MEGF6: variants seen among roughly 807,000 people sequenced by gnomAD.
The protein encoded by MEGF6 is multiple EGF like domains 6.
In MEGF6, 184 loss-of-function variants were observed where a neutral mutation model predicts 207.1. That is an observed-to-expected ratio of 0.89 (90% CI 0.79 to 1.00). The LOEUF is 1.00. Ranked by LOEUF, MEGF6 falls within the 50% of genes least tolerant of loss-of-function variation. The pLI is 0.00. For missense variants in MEGF6, 2,282 were observed against 2,202.9 expected (o/e 1.04, Z -0.72); for synonymous variants, 1,038 against 910.0 (o/e 1.14, Z -2.53).
chr1:3,582,116 C>A (rs1234521572), intron 3 of MEGF6, among the ~76,000 whole-genome samples: 1 of 152,234 alleles, frequency 6.6e-6, no homozygotes, highest in African/African-American at 2.4e-5. Flanking sequence ...ATGCACCCAG[C>A]AGGACACCAG....
intron 17 of MEGF6, 21 bp downstream of exon 17, chr1:3,505,187 C>T (rs1352824530): frequency 6.2e-7 from 1 of 1,608,390 alleles, no homozygotes; most frequent in Non-Finnish European, 8.5e-7. Flanking sequence ...CTGCCGGGAG[C>T]CCCAGGGGCC....
Position 3,501,901 on chromosome 1 carries a change from C to A in MEGF6, c.2209G>T (p.Gly737Cys), listed in dbSNP as rs1426560260. The A allele has an allele frequency of 1.2e-6, 2 of 1,610,046 alleles. No homozygotes were observed. The change falls in exon 18 of 37, where the codon GGC becomes TGC. Residue 737 changes from glycine (G) to cysteine (C), a missense_variant. Gly to Cys is a radical substitution (Grantham distance 159). Coordinates refer to ENST00000356575, the MANE Select transcript of MEGF6 (RefSeq NM_001409.4). ...CGQECPVGTF[G>C]VNCSSSCSCG... is the part of the protein sequence containing the mutation. ...GAGCAGGAGCTCGAGCAGTTCACGC[C>A]AAACGTCCCCACCGGGCACTCTGCA... is the stretch of plus-strand genomic sequence containing the variant.
chr1:3,549,527 C>T lies in MEGF6; in HGVS notation c.482-25281G>A, dbSNP rs75311167. Among the ~76,000 whole-genome samples, 1,416 of 152,316 alleles carry T rather than the reference C, an allele frequency of 9.3e-3. 9 individuals are homozygous for T. Among genetic ancestry groups the T allele is most frequent in the South Asian group, 0.033 (160 of 4,824 alleles). ...GGGGCTGCCTGGGGGCTTCTGGGGG[C>T]ACATGGTCATGCTCGGGTCTGGGCT... On this transcript the variant is annotated intron_variant, in intron 4 of 36. Transcript: ENST00000356575.
chr1:3,587,877 C>T (rs866115777), intron 3 of MEGF6, among the ~76,000 whole-genome samples: 321 of 11,542 alleles, frequency 0.028, 24 homozygotes, highest in East Asian at 0.13. Flanking sequence ...CAGGAGTGGC[C>T]AGGAGTGGCC....
intron 5 of MEGF6, among the ~76,000 whole-genome samples, chr1:3,520,703 A>G (rs1641714657): frequency 6.6e-6 from 1 of 152,194 alleles, no homozygotes; most frequent in Non-Finnish European, 1.5e-5. Flanking sequence ...AGCCACTGGC[A>G]AAGTCCTTCT....
At chr1:3,526,306 G>C (rs1446385341) in intron 4 of MEGF6, among the ~76,000 whole-genome samples, 16 of 152,128 alleles carry the variant, frequency 1.1e-4, no homozygotes, top group Admixed American at 1.0e-3. Flanking sequence ...GCCAGGAGAG[G>C]AGGGCAAGAG....
intron 4 of MEGF6, among the ~76,000 whole-genome samples, chr1:3,550,476 G>A (rs142323403): frequency 8.7e-4 from 132 of 151,898 alleles, no homozygotes; most frequent in Non-Finnish European, 1.4e-3. Flanking sequence ...TGCATAGCAC[G>A]ATGAATGCAC....
At chr1:3,524,605 G>A (rs759346090) in intron 4 of MEGF6, among the ~76,000 whole-genome samples, 21 of 152,178 alleles carry the variant, frequency 1.4e-4, no homozygotes, top group Non-Finnish European at 2.5e-4. Flanking sequence ...GGTGTCAACC[G>A]CTCCACCAGG....
intron 2 of MEGF6, among the ~76,000 whole-genome samples, chr1:3,597,305 C>G (rs1644084009): frequency 6.6e-6 from 1 of 152,202 alleles, no homozygotes. Flanking sequence ...ACCCTGCCGT[C>G]CTTCCTCGGG....
chr1:3,505,953 C>T (rs548199448), intron 15 of MEGF6, among the ~76,000 whole-genome samples, 155 bp downstream of exon 15: 12 of 152,334 alleles, frequency 7.9e-5, no homozygotes, highest in Admixed American at 7.2e-4. Context: ...TTGGAGTCCA[C>T]AGACTCATGG....
intron 4 of MEGF6, among the ~76,000 whole-genome samples, chr1:3,578,155 C>CACCCTCCCCTA (rs1643693789): frequency 6.6e-6 from 1 of 152,166 alleles, no homozygotes; most frequent in Non-Finnish European, 1.5e-5. Flanking sequence ...ACCTCCTCCT[C>CACCCTCCCCTA]GCCCTCCCCT....
intron 3 of MEGF6, among the ~76,000 whole-genome samples, chr1:3,582,575 T>C (rs780496214): frequency 1.3e-5 from 2 of 152,188 alleles, no homozygotes; most frequent in Non-Finnish European, 2.9e-5. Flanking sequence ...TAGTGACTTT[T>C]TAGAATACAA....
At chr1:3,543,116 G>T (rs1056246611) in intron 4 of MEGF6, among the ~76,000 whole-genome samples, 63 of 152,242 alleles carry the variant, frequency 4.1e-4, no homozygotes, top group African/African-American at 1.5e-3. Flanking sequence ...CTCAGCTCCT[G>T]CCCCAGGCCA....
At chr1:3,616,109 G>C (rs1570268273), upstream of MEGF6, among the ~76,000 whole-genome samples, 1 of 152,138 alleles carries the variant, frequency 6.6e-6, no homozygotes, top group Non-Finnish European at 1.5e-5. Flanking sequence ...GATAACTCAA[G>C]GTGCTAATTT....
chr1:3,532,512 C>T (rs1642210227), intron 4 of MEGF6, among the ~76,000 whole-genome samples: 1 of 152,234 alleles, frequency 6.6e-6, no homozygotes, highest in African/African-American at 2.4e-5. Context: ...GACTGGGCGC[C>T]CGCCCACACT....
chr1:3,601,654 G>A (rs1457756422), intron 2 of MEGF6, among the ~76,000 whole-genome samples: 1 of 152,204 alleles, frequency 6.6e-6, no homozygotes, highest in African/African-American at 2.4e-5. Flanking sequence ...TCCCGGGGTA[G>A]GAAGACAGAA....
Position 3,573,198 on chromosome 1 carries a change from C to G in MEGF6, c.481+6627G>C, listed in dbSNP as rs890502899. 7.1e-6 allele frequency among the ~76,000 whole-genome samples: 1 copy of G among 141,360 alleles called. No individual in the cohort carries two copies. Among genetic ancestry groups the G allele is most frequent in the Non-Finnish European group, 1.5e-5 (1 of 64,712 alleles). The allele number at this position is 141,360 out of a possible 152,430, so 92.7% of individuals were successfully genotyped here. ...CTCCCTGGTATGCTGGGTCCTCCTG[C>G]GTGTGCTGCGTCCTTCCTGTGTGTG... On this transcript the variant is annotated intron_variant, in intron 4 of 36. Transcript: ENST00000356575. This position sits in a 1 kb window ranked among gnomAD's most constrained non-coding sequence, Gnocchi z 5.1.
At chr1:3,595,528 G>T in intron 2 of MEGF6, 81 bp from the exon 3 acceptor site, 1 of 1,241,374 alleles carries the variant, frequency 8.1e-7, no homozygotes, top group South Asian at 1.2e-5. Flanking sequence ...TGGGGAGACT[G>T]ACTCTGCGTC....
At chr1:3,503,440 C>T (rs1296376676) in intron 17 of MEGF6, among the ~76,000 whole-genome samples, 2 of 152,088 alleles carry the variant, frequency 1.3e-5, no homozygotes, top group South Asian at 2.1e-4. Context: ...CGGAGCACCA[C>T]AGGCTCTTAA....
Sources: allele counts gnomAD v4.1 joint callset (sites outside exome capture counted in the v4.1 genomes callset), GRCh38; gene constraint gnomAD v4.1.1; non-coding constraint Gnocchi (gnomAD v3.1); transcripts MANE v1.5; gene names NCBI Gene and HGNC (gene_info 2026-07-23, HGNC 2026-07-21).